Variants in PLEKHA7 observed in about 807,000 individuals in gnomAD.
The protein encoded by PLEKHA7 is pleckstrin homology domain-containing family A member 7.
In PLEKHA7, 104 loss-of-function variants were observed where a neutral mutation model predicts 170.0. The ratio of observed to expected loss-of-function variants is 0.61; its 90% CI spans 0.52 to 0.72. The LOEUF (loss-of-function observed/expected upper bound fraction) is 0.72, where lower values mean the gene tolerates loss of function less well. Ranked by LOEUF, PLEKHA7 falls within the 30% of genes least tolerant of loss-of-function variation. The pLI is 0.00. For synonymous variants in PLEKHA7, 648 were observed against 660.8 expected, an observed-to-expected ratio of 0.98 and a Z score of 0.30; for missense variants, 1,615 against 1,671.7, an observed-to-expected ratio of 0.97 and a Z score of 0.59.
Position 16,937,323 on chromosome 11 carries a change from T to C in PLEKHA7, c.222-66141A>G, listed in dbSNP as rs117967561. Among the ~76,000 whole-genome samples the C allele has an allele frequency of 7.3e-3, 1,118 of 152,302 alleles. 6 individuals carry two copies. The highest frequency in any genetic ancestry group is 0.028 in the South Asian group (133 of 4,816). The stretch of plus-strand genomic sequence containing the variant: ...AGATTGTGCTGGGCACTGAGGACAA[T>C]ATGGCCCAAGTCTCATGAGGTATAT... On this transcript the variant is annotated intron_variant, in intron 3 of 26. Coordinates refer to ENST00000531066, the MANE Select transcript of PLEKHA7 (RefSeq NM_001329630.2).
chr11:16,780,658 A>G (rs1296380753), intron 26 of PLEKHA7, among the ~76,000 whole-genome samples: 1 of 152,130 alleles, frequency 6.6e-6, no homozygotes, highest in Non-Finnish European at 1.5e-5. Flanking sequence ...TACTGAGGAG[A>G]GCAGGGGATG....
chr11:16,926,818 G>C (rs561116992), intron 3 of PLEKHA7, among the ~76,000 whole-genome samples: 11 of 152,220 alleles, frequency 7.2e-5, no homozygotes, highest in Non-Finnish European at 1.2e-4. Flanking sequence ...CCCTAGAAGA[G>C]AGCCTGGCTA....
chr11:16,822,064 T>C (rs764187334), intron 10 of PLEKHA7, among the ~76,000 whole-genome samples: 1 of 152,148 alleles, frequency 6.6e-6, no homozygotes, highest in South Asian at 2.1e-4. Context: ...CCCTGTTAAC[T>C]TCTCATCCTT....
At chr11:17,009,296 G>A (rs1865187955) in intron 3 of PLEKHA7, among the ~76,000 whole-genome samples, 1 of 152,080 alleles carries the variant, frequency 6.6e-6, no homozygotes, top group South Asian at 2.1e-4. Context: ...CTGCCTCCAG[G>A]GGCTGCTATA....
Position 16,907,375 on chromosome 11 carries a change from G to A in PLEKHA7, c.222-36193C>T, listed in dbSNP as rs1285637183. Among the ~76,000 whole-genome samples, 362 of 137,972 alleles carry A rather than the reference G, an allele frequency of 2.6e-3. 3 individuals carry two copies. The highest frequency in any genetic ancestry group is 9.0e-3 in the African/African-American group (323 of 35,896). The allele number at this position is 137,972 out of a possible 152,430, so 90.5% of individuals were successfully genotyped here. On this transcript the variant is annotated intron_variant, in intron 3 of 26. Coordinates refer to ENST00000531066, the MANE Select transcript of PLEKHA7 (RefSeq NM_001329630.2). ...CTCTGCCCGGCCAGCCGCCCCATCC[G>A]GGAGGGAGGTGGTGGGGTCAGCCCC...
chr11:16,997,937 C>A (rs925541991), intron 3 of PLEKHA7, among the ~76,000 whole-genome samples: 1 of 152,142 alleles, frequency 6.6e-6, no homozygotes, highest in Non-Finnish European at 1.5e-5. Flanking sequence ...TGGAGACAGG[C>A]CAAGCTGGAC....
rs530237004 is a variant in PLEKHA7 at position 16,912,532 on chromosome 11, C to T, written c.222-41350G>A. 2.0e-5 allele frequency among the ~76,000 whole-genome samples: 3 copies of T among 152,286 alleles called. No individual in the cohort carries two copies. In the South Asian group the frequency reaches 6.2e-4, roughly 32 times the overall value. ...GAGTGCCCAAAACCACTGGGTTTTG[C>T]CTCTTAAATGCTGACTTCATTTCAA... On this transcript the variant is annotated intron_variant, in intron 3 of 26. Transcript: ENST00000531066.
Position 16,817,320 on chromosome 11 carries a change from A to C in PLEKHA7, c.1346T>G (p.Leu449Arg). 6.2e-7 allele frequency: 1 copy of C among 1,604,826 alleles called. No homozygotes were observed. The highest frequency in any genetic ancestry group is 8.5e-7 in the Non-Finnish European group (1 of 1,178,034). The change falls in exon 11 of 27, where the codon CTT (leucine) becomes CGT (arginine). Residue 449 changes from leucine to arginine, a missense_variant and splice_region_variant. Physicochemically the swap from Leu to Arg is moderately radical, Grantham distance 102. Coordinates refer to ENST00000531066, the MANE Select transcript of PLEKHA7 (RefSeq NM_001329630.2). This position sits in a 1 kb window ranked among gnomAD's most constrained non-coding sequence, Gnocchi z 4.4. ...GCGAGGAAGCGTCTGGTCCAAGGGA[A>C]GACTGAGGAGAAAGGGTAAGAACGG... ...ARAQKGDSRS[L>R]PLDQTLPRQG... is the part of the protein sequence containing the mutation.
At chr11:16,943,250 ATACTT>A (rs1860806383) in intron 3 of PLEKHA7, among the ~76,000 whole-genome samples, 1 of 151,964 alleles carries the variant, frequency 6.6e-6, no homozygotes, top group Non-Finnish European at 1.5e-5. Flanking sequence ...TATTATTGCA[ATACTT>A]TACTTTTTTT....
intron 7 of PLEKHA7, 34 bp from the exon 8 acceptor site, chr11:16,851,325 T>C (rs1416163451): frequency 5.7e-5 from 89 of 1,553,196 alleles, no homozygotes; most frequent in Non-Finnish European, 7.6e-5. Flanking sequence ...AACAACCTTC[T>C]GGGCAGTTTC....
intron 10 of PLEKHA7, among the ~76,000 whole-genome samples, chr11:16,819,016 G>A (rs1850005544): frequency 6.6e-6 from 1 of 151,746 alleles, no homozygotes. Context: ...TGTTAGCCAG[G>A]ATGGTCTCGA....
At chr11:16,957,673 G>A (rs1861777720) in intron 3 of PLEKHA7, among the ~76,000 whole-genome samples, 1 of 140,082 alleles carries the variant, frequency 7.1e-6, no homozygotes, top group Non-Finnish European at 1.6e-5. Context: ...TATATTACAT[G>A]AATTTTACCT....
At chr11:16,856,816 G>T (rs925585878) in intron 4 of PLEKHA7, among the ~76,000 whole-genome samples, 1 of 152,188 alleles carries the variant, frequency 6.6e-6, no homozygotes, top group African/African-American at 2.4e-5. Flanking sequence ...GCAAAGTCCA[G>T]GATCAGCAAG....
intron 13 of PLEKHA7, among the ~76,000 whole-genome samples, chr11:16,811,755 A>G (rs1410698670): frequency 6.6e-6 from 1 of 152,168 alleles, no homozygotes; most frequent in Admixed American, 6.5e-5. Flanking sequence ...TTTTGCTCAT[A>G]GCATCCACCT....
At chr11:16,810,447 G>A (rs1341673776) in intron 13 of PLEKHA7, among the ~76,000 whole-genome samples, 3 of 152,184 alleles carry the variant, frequency 2.0e-5, no homozygotes, top group Admixed American at 1.3e-4. Flanking sequence ...CACACACTTG[G>A]CACAAAACCC....
At chr11:16,975,074 T>A (rs1303882411) in intron 3 of PLEKHA7, 3 of 690,612 alleles carry the variant, frequency 4.3e-6, no homozygotes, top group African/African-American at 3.8e-5. Context: ...TATGTATATA[T>A]GTACAGTTCT....
intron 16 of PLEKHA7, 152 bp downstream of exon 16, chr11:16,801,516 T>C: frequency 2.1e-6 from 2 of 953,564 alleles, no homozygotes; most frequent in South Asian, 3.2e-5. Flanking sequence ...CAAGGTTATC[T>C]ACTGTCAGGT....
intron 3 of PLEKHA7, among the ~76,000 whole-genome samples, chr11:16,928,933 T>G (rs574614369): frequency 6.6e-6 from 1 of 152,208 alleles, no homozygotes; most frequent in Non-Finnish European, 1.5e-5. Context: ...AAAAGACTAC[T>G]AGAGGGATAT....
chr11:16,787,110 C>G, intron 23 of PLEKHA7: 1 of 985,420 alleles, frequency 1.0e-6, no homozygotes, highest in Non-Finnish European at 1.2e-6. Flanking sequence ...AAAATCTAAC[C>G]GATAAGATCC....
Sources: gnomAD v4.1 joint callset for allele counts (sites outside exome capture counted in the v4.1 genomes callset) on GRCh38, gnomAD v4.1.1 for gene constraint, Gnocchi (gnomAD v3.1) non-coding constraint, MANE v1.5 for transcripts, NCBI Gene and HGNC (gene_info 2026-07-23, HGNC 2026-07-21) for gene names.